STOX2: variants seen among roughly 807,000 people sequenced by gnomAD.
The protein encoded by STOX2 is storkhead-box protein 2.
STOX2 carries 28 observed loss-of-function variants against 60.9 expected under a neutral mutation model. That is an observed-to-expected ratio of 0.46 (90% CI 0.34 to 0.63). The LOEUF (loss-of-function observed/expected upper bound fraction) is 0.63, where lower values mean the gene tolerates loss of function less well. STOX2 is among the 30% of genes least tolerant of loss of function. The probability of loss-of-function intolerance (pLI) is 0.01; values close to 1 mark genes in which losing one functional copy is unlikely to be tolerated. For synonymous variants in STOX2, 472 were observed against 463.9 expected (o/e 1.02, Z -0.22); for missense variants, 1,024 against 1,187.7 (o/e 0.86, Z 2.03).
chr4:183,879,839 G>A (rs573920474), intron 1 of STOX2, among the ~76,000 whole-genome samples: 3 of 151,940 alleles, frequency 2.0e-5, no homozygotes, highest in Non-Finnish European at 4.4e-5. Context: ...TGAGAAGAAC[G>A]TGGGGGGATG....
chr4:184,003,179 C>T (rs1190790901), intron 2 of STOX2, among the ~76,000 whole-genome samples: 5 of 152,226 alleles, frequency 3.3e-5, no homozygotes, highest in African/African-American at 1.2e-4. Flanking sequence ...GTAGCCACTT[C>T]TGACATTGAA....
In STOX2 at chr4:184,010,268, G is replaced by A. The variant is rs548829020; in HGVS notation, c.1430G>A (p.Arg477Gln). The change falls in exon 3 of 4, where the codon CGG becomes CAG. Residue 477 changes from arginine to glutamine, a missense_variant. This residue lies in a region of STOX2 where 922 missense variants were observed against 1,058.3 expected (regional missense o/e 0.87). Coordinates refer to ENST00000308497, the MANE Select transcript of STOX2 (RefSeq NM_020225.3). This position sits in a 1 kb window ranked among gnomAD's most constrained non-coding sequence, Gnocchi z 4.5. ...VHRSHSHTQD[R>Q]RSRNERSNKA... is the part of the protein sequence containing the mutation. ...CGAAGCCACAGCCATACACAGGACC[G>A]GAGGTCCAGGAATGAGAGATCCAAC... 21 of 1,577,632 alleles carry A rather than the reference G, an allele frequency of 1.3e-5. No individual in the cohort carries two copies. The highest frequency in any genetic ancestry group is 8.1e-5 in the African/African-American group (6 of 73,862).
chr4:183,803,688 CGTAGTGGCTCACACCT>C (rs1274471367), intron 1 of STOX2, among the ~76,000 whole-genome samples: 1 of 151,938 alleles, frequency 6.6e-6, no homozygotes, highest in Non-Finnish European at 1.5e-5. Context: ...ATGGTCTGGG[CGTAGTGGCTCACACCT>C]GTAATCCCAG....
chr4:183,991,574 T>A (rs1733106955), intron 1 of STOX2, among the ~76,000 whole-genome samples: 1 of 152,026 alleles, frequency 6.6e-6, no homozygotes, highest in East Asian at 1.9e-4. Context: ...ATTACAGGCA[T>A]CTGCCACCAC....
At chr4:183,857,230 C>T (rs1740309170) in intron 1 of STOX2, among the ~76,000 whole-genome samples, 1 of 151,376 alleles carries the variant, frequency 6.6e-6, no homozygotes, top group South Asian at 2.1e-4. Flanking sequence ...ACTGGTTATC[C>T]CACAGGACTG....
Position 183,906,697 on chromosome 4 carries a change from G to T in STOX2, c.-94G>T. On this transcript the variant is annotated 5_prime_UTR_variant, in exon 1 of 4. Transcript: ENST00000308497. ...GGCTGGGAAAATGTGCGCAGAGTCC[G>T]CCCGGGTCGTGCCCGCCGTAGACGG... is the stretch of plus-strand genomic sequence containing the variant. The T allele has an allele frequency of 9.7e-6, 13 of 1,335,900 alleles. No individual in the cohort carries two copies. Among genetic ancestry groups the T allele is most frequent in the South Asian group, 1.6e-5 (1 of 64,506 alleles). 82.8% of individuals were successfully genotyped at this position (1,335,900 alleles called of 1,614,324 possible). A position where few individuals can be genotyped will look rare whatever the true frequency, so the allele number is the denominator to read the frequency against.
intron 1 of STOX2, among the ~76,000 whole-genome samples, chr4:183,850,173 A>G (rs1458867815): frequency 6.6e-6 from 1 of 151,712 alleles, no homozygotes; most frequent in Non-Finnish European, 1.5e-5. Flanking sequence ...AGGTTTCACC[A>G]TGTTGGCCAG....
Position 184,011,070 on chromosome 4 carries a change from G to A in STOX2, c.2232G>A (p.Pro744=), listed in dbSNP as rs376585011. The stretch of plus-strand genomic sequence containing the variant: ...CAGGCCGATGTGAGAAACTGGAACC[G>A]TCCCTGGGGACCTCGGCGGCACAAG... ...TLPGRCEKLE[P]SLGTSAAQAM... is the part of the protein sequence containing the mutation. Residue 744 remains proline (P), a synonymous_variant, in exon 3 of 4, where the codon CCG becomes CCA. Transcript: ENST00000308497. The surrounding 1 kb of genome is among the most constrained non-coding windows in gnomAD (Gnocchi z 4.4). 286 of 1,607,860 alleles carry A rather than the reference G, an allele frequency of 1.8e-4. No homozygotes were observed. The highest frequency in any genetic ancestry group is 9.9e-4 in the Middle Eastern group (6 of 6,036).
At chr4:183,832,119 A>G (rs7655038) in intron 1 of STOX2, among the ~76,000 whole-genome samples, 13,260 of 151,260 alleles carry the variant, frequency 0.088, 1,903 homozygotes, top group African/African-American at 0.31. Flanking sequence ...CCTCCTGAGT[A>G]GCTGGGATTA....
chr4:183,906,685 T>G lies in STOX2; in HGVS notation c.-106T>G. On this transcript the variant is annotated 5_prime_UTR_variant, in exon 1 of 4. Coordinates refer to ENST00000308497, the MANE Select transcript of STOX2 (RefSeq NM_020225.3). ...CCGACGAGGAGGGGCTGGGAAAATG[T>G]GCGCAGAGTCCGCCCGGGTCGTGCC... 4.8e-6 allele frequency: 6 copies of G among 1,253,784 alleles called. No individual in the cohort carries two copies. The highest frequency in any genetic ancestry group is 6.4e-6 in the Non-Finnish European group (6 of 935,854). 77.7% of individuals were successfully genotyped at this position (1,253,784 alleles called of 1,614,324 possible).
chr4:183,816,500 G>A (rs1017063070), intron 1 of STOX2, among the ~76,000 whole-genome samples: 3 of 152,188 alleles, frequency 2.0e-5, no homozygotes, highest in African/African-American at 7.2e-5. Context: ...ACCCTAAAAG[G>A]AGGGAGGAGG....
chr4:183,844,822 T>C (rs1440331606), intron 1 of STOX2, among the ~76,000 whole-genome samples: 1 of 152,240 alleles, frequency 6.6e-6, no homozygotes, highest in Admixed American at 6.5e-5. Flanking sequence ...CTACTATGTC[T>C]TGAGTAATTT....
intron 1 of STOX2, among the ~76,000 whole-genome samples, chr4:183,974,625 A>G (rs1013960715): frequency 2.6e-5 from 4 of 152,174 alleles, no homozygotes; most frequent in Admixed American, 6.5e-5. Context: ...AGAACATTAC[A>G]TAAAGAAAAA....
At chr4:183,883,875 C>T (rs531927381) in intron 1 of STOX2, among the ~76,000 whole-genome samples, 91 of 145,430 alleles carry the variant, frequency 6.3e-4, no homozygotes, top group Non-Finnish European at 1.2e-3. Flanking sequence ...TTTTTGAGAT[C>T]GAGTCTTGCT....
intron 1 of STOX2, among the ~76,000 whole-genome samples, chr4:183,912,530 C>T (rs1741810463): frequency 6.6e-6 from 1 of 152,168 alleles, no homozygotes; most frequent in African/African-American, 2.4e-5. Flanking sequence ...TGATAGAATC[C>T]TCTTTAGCCT....
In STOX2 at chr4:183,806,144, G is replaced by A. The variant is rs1018167049; in HGVS notation, c.364+8089G>A. On this transcript the variant is annotated intron_variant, in intron 1 of 2. Coordinates refer to the STOX2 transcript ENST00000513034. The surrounding 1 kb of genome is among the most constrained non-coding windows in gnomAD (Gnocchi z 4.1). Reference sequence around the variant, plus strand: ...CACTTTGGAAGCATACCTCTGTGCTGTAGATTTCACTCTGAAGATGAAAAT... The same window carrying A: ...CACTTTGGAAGCATACCTCTGTGCTATAGATTTCACTCTGAAGATGAAAAT... Among the ~76,000 whole-genome samples, 1 of 152,196 alleles carries A rather than the reference G, an allele frequency of 6.6e-6. No individual in the cohort carries two copies. Among genetic ancestry groups the A allele is most frequent in the Non-Finnish European group, 1.5e-5 (1 of 68,034 alleles).
intron 1 of STOX2, among the ~76,000 whole-genome samples, chr4:183,915,687 AG>A (rs973732185): frequency 6.6e-6 from 1 of 152,204 alleles, no homozygotes; most frequent in African/African-American, 2.4e-5. Flanking sequence ...GACACAGGGG[AG>A]AATACCATGT....
intron 1 of STOX2, among the ~76,000 whole-genome samples, chr4:183,876,050 T>C (rs1259937440): frequency 3.9e-5 from 6 of 152,148 alleles, no homozygotes; most frequent in Non-Finnish European, 1.5e-5. Context: ...AGAGGCCCCA[T>C]ATCAGCTAGA....
chr4:183,980,962 A>G (rs1325782691), intron 1 of STOX2, among the ~76,000 whole-genome samples: 1 of 152,234 alleles, frequency 6.6e-6, no homozygotes, highest in Non-Finnish European at 1.5e-5. Flanking sequence ...CTTTGACCTT[A>G]TAACTAATTC....
Sources: allele counts gnomAD v4.1 joint callset (sites outside exome capture counted in the v4.1 genomes callset), GRCh38; gene constraint gnomAD v4.1.1; regional missense constraint gnomAD v4.1.1; non-coding constraint Gnocchi (gnomAD v3.1); transcripts MANE v1.5; gene names NCBI Gene and HGNC (gene_info 2026-07-23, HGNC 2026-07-21).